Variants in OR2T34 observed in about 807,000 individuals in gnomAD.
The protein encoded by OR2T34 is olfactory receptor family 2 subfamily T member 34.
For synonymous variants in OR2T34, 73 were observed against 151.2 expected, an observed-to-expected ratio of 0.48 and a Z score of 3.79; for missense variants, 200 against 384.5, an observed-to-expected ratio of 0.52 and a Z score of 4.01.
At position 248,574,166 on chromosome 1, in the gene OR2T34, A is replaced by T. The variant is rs752349527; in HGVS notation, c.592T>A (p.Ser198Thr). The change falls in exon 1 of 1, where the codon TCC (serine) becomes ACC (threonine). Residue 198 changes from serine (S) to threonine (T), a missense_variant. By Grantham distance (58) the Ser-to-Thr change is moderately conservative. Coordinates refer to ENST00000328782, the MANE Select transcript of OR2T34 (RefSeq NM_001001821.1). ...AGGTACGTGAGCATCTTATAGAGGG[A>T]GACGTCAGAGCAGGAGAGCTTCAGC... ...ALLKLSCSDV[S>T]LYKMLTYLCC... is the part of the protein sequence containing the mutation. 6.2e-7 allele frequency: 1 copy of T among 1,607,000 alleles called. No individual in the cohort carries two copies. Among genetic ancestry groups the T allele is most frequent in the Non-Finnish European group, 8.5e-7 (1 of 1,179,724 alleles).
Position 248,574,188 on chromosome 1 carries a change from C to A in OR2T34, c.570G>T (p.Leu190=), listed in dbSNP as rs1208849721. ...GGGAGACGTCAGAGCAGGAGAGCTT[C>A]AGCAGGGCAGGAGTCTCACAGAAAA... The part of the protein sequence containing the change: ...LSFFCETPAL[L]KLSCSDVSLY... Residue 190 remains leucine (L), a synonymous_variant, in exon 1 of 1, where the codon CTG becomes CTT. Coordinates refer to ENST00000328782, the MANE Select transcript of OR2T34 (RefSeq NM_001001821.1). 6.2e-7 allele frequency: 1 copy of A among 1,607,398 alleles called. No individual in the cohort carries two copies. The highest frequency in any genetic ancestry group is 8.5e-7 in the Non-Finnish European group (1 of 1,179,642).
chr1:248,574,177 C>T lies in OR2T34; in HGVS notation c.581G>A (p.Cys194Tyr), dbSNP rs757743245. ...CETPALLKLSCSDVSLYKMLT... is the reference protein window; with the variant it reads ...CETPALLKLSYSDVSLYKMLT... ...CATCTTATAGAGGGAGACGTCAGAG[C>T]AGGAGAGCTTCAGCAGGGCAGGAGT... Residue 194 changes from cysteine (C) to tyrosine (Y), a missense_variant, in exon 1 of 1, where the codon TGC (cysteine) becomes TAC (tyrosine). Cys to Tyr is a radical substitution (Grantham distance 194). Transcript: ENST00000328782. 4.4e-6 allele frequency: 7 copies of T among 1,607,278 alleles called. No homozygotes were observed. The South Asian group carries it at 7.7e-5, about 18-fold the overall frequency.
chr1:248,574,693 A>T lies in OR2T34; in HGVS notation c.65T>A (p.Leu22His), dbSNP rs1452366806. 1.9e-6 allele frequency: 3 copies of T among 1,563,746 alleles called. No individual in the cohort carries two copies. The highest frequency in any genetic ancestry group is 2.6e-6 in the Non-Finnish European group (3 of 1,148,494). ...GGCAGCATGCTTGCTCTCAGCAAAG[A>T]GTCCCGTGAGGGTGAAATCAGTGCT... is the stretch of plus-strand genomic sequence containing the variant. The part of the protein sequence containing the change: ...TASTDFTLTG[L>H]FAESKHAALL... The change falls in exon 1 of 1, where the codon CTC becomes CAC. Residue 22 changes from leucine (L) to histidine (H), a missense_variant. Coordinates refer to ENST00000328782, the MANE Select transcript of OR2T34 (RefSeq NM_001001821.1).
In OR2T34 at chr1:248,573,833, T is replaced by TGCTC; in HGVS notation, c.921_924dup (p.Met309GlufsTer?). On this transcript the variant is annotated frameshift_variant, in exon 1 of 1. Coordinates refer to ENST00000328782, the MANE Select transcript of OR2T34 (RefSeq NM_001001821.1). LOFTEE classifies it low-confidence loss of function (END_TRUNC). Reference sequence around the variant, plus strand: ...TCTTGGTTCATTCTTGACTGCATCATGCTCCTCAGAGCCCTGGTGACATCT... The same window carrying TGCTC: ...TCTTGGTTCATTCTTGACTGCATCATGCTCGCTCCTCAGAGCCCTGGTGACATCT... 1 of 946,936 alleles carries TGCTC rather than the reference T, an allele frequency of 1.1e-6. No individual in the cohort carries two copies. The highest frequency in any genetic ancestry group is 1.6e-6 in the Non-Finnish European group (1 of 631,894). The allele number at this position is 946,936 out of a possible 1,614,324, so 58.7% of individuals were successfully genotyped here. A position where few individuals can be genotyped will look rare whatever the true frequency, so the allele number is the denominator to read the frequency against.
Position 248,574,109 on chromosome 1 carries a change from T to C in OR2T34, c.649A>G (p.Met217Val), listed in dbSNP as rs747608249. ...CCILMLLTPI[M>V]VISSSYTLIL... ...AGGGTGTATGAGCTGGAGATGACCA[T>C]GATGGGGGTGAGAAGCATGAGGATG... Residue 217 changes from methionine (M) to valine (V), a missense_variant, in exon 1 of 1, where the codon ATG becomes GTG. Coordinates refer to ENST00000328782, the MANE Select transcript of OR2T34 (RefSeq NM_001001821.1). 10 of 1,606,456 alleles carry C rather than the reference T, an allele frequency of 6.2e-6. No individual in the cohort carries two copies. In the South Asian group the frequency reaches 9.9e-5, roughly 16 times the overall value.
rs1659705122 is a variant in OR2T34 at position 248,573,872 on chromosome 1, T to C, written c.886A>G (p.Ser296Gly). The change falls in exon 1 of 1, where the codon AGT becomes GGT. Residue 296 changes from serine to glycine, a missense_variant. Coordinates refer to ENST00000328782, the MANE Select transcript of OR2T34 (RefSeq NM_001001821.1). ...CTGGTGACATCTTTGTTGCGGAGAC[T>C]GTAAATGAGGGGGTTCAGCACAGGA... ...FTPVLNPLIY[S>G]LRNKDVTRAL... 1 of 1,328,370 alleles carries C rather than the reference T, an allele frequency of 7.5e-7. No homozygotes were observed. Among genetic ancestry groups the C allele is most frequent in the East Asian group, 2.4e-5 (1 of 41,692 alleles). 82.3% of individuals were successfully genotyped at this position (1,328,370 alleles called of 1,614,324 possible). A position where few individuals can be genotyped will look rare whatever the true frequency, so the allele number is the denominator to read the frequency against.
chr1:248,574,496 C>G lies in OR2T34; in HGVS notation c.262G>C (p.Val88Leu), dbSNP rs374008897. ...YLCVTVPKML[V>L]GQVTGDDTIS... is the part of the protein sequence containing the mutation. ...GTATCATCTCCAGTGACCTGGCCCA[C>G]AAGCATCTTGGGCACAGTCACGCAT... The change falls in exon 1 of 1, where the codon GTG (valine) becomes CTG (leucine). Residue 88 changes from valine to leucine, a missense_variant. Transcript: ENST00000328782. The G allele has an allele frequency of 6.4e-7, 1 of 1,563,032 alleles. No individual in the cohort carries two copies. Among genetic ancestry groups the G allele is most frequent in the Non-Finnish European group, 8.7e-7 (1 of 1,144,268 alleles).
chr1:248,574,049 C>T lies in OR2T34; in HGVS notation c.709G>A (p.Ala237Thr), dbSNP rs746667499. 3.3e-5 allele frequency: 53 copies of T among 1,602,312 alleles called. No homozygotes were observed. Among genetic ancestry groups the T allele is most frequent in the Middle Eastern group, 1.6e-4 (1 of 6,074 alleles). ...GTGGCCAAGGCCTTCCTGCGGCCGG[C>T]GGCAGAATTCATCCTGTGGATGAGA... ...LHLIHRMNSA[A>T]GRRKALATCS... is the part of the protein sequence containing the mutation. Residue 237 changes from alanine (A) to threonine (T), a missense_variant, in exon 1 of 1, where the codon GCC becomes ACC. Coordinates refer to ENST00000328782, the MANE Select transcript of OR2T34 (RefSeq NM_001001821.1).
rs746455431 is a variant in OR2T34, at chr1:248,574,714, G to A, written c.44C>T (p.Thr15Ile). 12 of 1,575,432 alleles carry A rather than the reference G, an allele frequency of 7.6e-6. No homozygotes were observed. The South Asian group carries it at 1.2e-4, about 16-fold the overall frequency. ...AAAGAGTCCCGTGAGGGTGAAATCA[G>A]TGCTTGCTGTTTGATTCTGAGAAGT... ...NQTSQNQTAS[T>I]DFTLTGLFAE... is the part of the protein sequence containing the mutation. The change falls in exon 1 of 1, where the codon ACT becomes ATT. Residue 15 changes from threonine to isoleucine, a missense_variant. Transcript: ENST00000328782.
Position 248,574,519 on chromosome 1 carries a change from C to A in OR2T34, c.239G>T (p.Cys80Phe). ...CACAAGCATCTTGGGCACAGTCACG[C>A]ATAGGTACATGAGATCCATGAGCGC... ...QLALMDLMYL[C>F]VTVPKMLVGQ... The change falls in exon 1 of 1, where the codon TGC (cysteine) becomes TTC (phenylalanine). Residue 80 changes from cysteine to phenylalanine, a missense_variant. Cys to Phe is a radical substitution (Grantham distance 205). Transcript: ENST00000328782. 1 of 1,530,264 alleles carries A rather than the reference C, an allele frequency of 6.5e-7. No homozygotes were observed. The highest frequency in any genetic ancestry group is 9.0e-7 in the Non-Finnish European group (1 of 1,115,792). 94.8% of individuals were successfully genotyped at this position (1,530,264 alleles called of 1,614,324 possible).
rs145854970 is a variant in OR2T34, at chr1:248,574,118, T to C, written c.640A>G (p.Thr214Ala). Residue 214 changes from threonine to alanine, a missense_variant, in exon 1 of 1, where the codon ACC becomes GCC. Coordinates refer to ENST00000328782, the MANE Select transcript of OR2T34 (RefSeq NM_001001821.1). ...GAGCTGGAGATGACCATGATGGGGGTGAGAAGCATGAGGATGCAGCACAGG... is the reference window on the plus strand; with the variant it reads ...GAGCTGGAGATGACCATGATGGGGGCGAGAAGCATGAGGATGCAGCACAGG... ...TYLCCILMLLTPIMVISSSYT... is the reference protein window; with the variant it reads ...TYLCCILMLLAPIMVISSSYT... The C allele has an allele frequency of 2.1e-4, 343 of 1,604,950 alleles. 15 individuals carry two copies. The highest frequency in any genetic ancestry group is 7.3e-4 in the African/African-American group (49 of 67,048).
Position 248,574,019 on chromosome 1 carries a change from A to T in OR2T34, c.739T>A (p.Ser247Thr), listed in dbSNP as rs770330985. 6.3e-7 allele frequency: 1 copy of T among 1,589,742 alleles called. No homozygotes were observed. Among genetic ancestry groups the T allele is most frequent in the Non-Finnish European group, 8.5e-7 (1 of 1,172,574 alleles). Residue 247 changes from serine (S) to threonine (T), a missense_variant, in exon 1 of 1, where the codon TCC becomes ACC. Transcript: ENST00000328782. Reference sequence around the variant, plus strand: ...AGCAGCACTATGATCATGTGGGAGGAGCAGGTGGCCAAGGCCTTCCTGCGG... The same window carrying T: ...AGCAGCACTATGATCATGTGGGAGGTGCAGGTGGCCAAGGCCTTCCTGCGG... ...AGRRKALATC[S>T]SHMIIVLLLF...
In OR2T34 at chr1:248,574,088, T is replaced by C. The variant is rs139010825; in HGVS notation, c.670A>G (p.Thr224Ala). 222 of 1,606,306 alleles carry C rather than the reference T, an allele frequency of 1.4e-4. 28 individuals carry two copies. The African/African-American group carries it at 3.1e-3, about 22-fold the overall frequency. Reference protein sequence around the residue: ...TPIMVISSSYTLILHLIHRMN... With the variant: ...TPIMVISSSYALILHLIHRMN... ...CTGTGGATGAGATGCAGGATGAGGG[T>C]GTATGAGCTGGAGATGACCATGATG... Residue 224 changes from threonine to alanine, a missense_variant, in exon 1 of 1, where the codon ACC (threonine) becomes GCC (alanine). Physicochemically the swap from Thr to Ala is moderately conservative, Grantham distance 58 (BLOSUM62 0). Transcript: ENST00000328782.
chr1:248,574,180 G>T lies in OR2T34; in HGVS notation c.578C>A (p.Ser193Tyr), dbSNP rs746182529. Residue 193 changes from serine (S) to tyrosine (Y), a missense_variant, in exon 1 of 1, where the codon TCC (serine) becomes TAC (tyrosine). Coordinates refer to ENST00000328782, the MANE Select transcript of OR2T34 (RefSeq NM_001001821.1). The part of the protein sequence containing the change: ...FCETPALLKL[S>Y]CSDVSLYKML... ...CTTATAGAGGGAGACGTCAGAGCAG[G>T]AGAGCTTCAGCAGGGCAGGAGTCTC... 6.2e-7 allele frequency: 1 copy of T among 1,607,454 alleles called. No homozygotes were observed. The highest frequency in any genetic ancestry group is 8.5e-7 in the Non-Finnish European group (1 of 1,179,666).
rs746667499 is a variant in OR2T34 at position 248,574,049 on chromosome 1, C to A, written c.709G>T (p.Ala237Ser). 5 of 1,602,432 alleles carry A rather than the reference C, an allele frequency of 3.1e-6. No homozygotes were observed. The highest frequency in any genetic ancestry group is 3.3e-4 in the Middle Eastern group (2 of 6,052). Residue 237 changes from alanine (A) to serine (S), a missense_variant, in exon 1 of 1, where the codon GCC becomes TCC. Coordinates refer to ENST00000328782, the MANE Select transcript of OR2T34 (RefSeq NM_001001821.1). ...GTGGCCAAGGCCTTCCTGCGGCCGG[C>A]GGCAGAATTCATCCTGTGGATGAGA... Reference protein sequence around the residue: ...LHLIHRMNSAAGRRKALATCS... With the variant: ...LHLIHRMNSASGRRKALATCS...
rs1283157409 is a variant in OR2T34 at position 248,574,438 on chromosome 1, A to T, written c.320T>A (p.Phe107Tyr). The change falls in exon 1 of 1, where the codon TTC (phenylalanine) becomes TAC (tyrosine). Residue 107 changes from phenylalanine (F) to tyrosine (Y), a missense_variant. By Grantham distance (22) the Phe-to-Tyr change is conservative. Transcript: ENST00000328782. ...AGCTCCAGCCAGGGTCAGGTGGAAG[A>T]ACATCTGGATCCCACAGCCTGACGG... ...ISPSGCGIQMFFHLTLAGAEV... is the reference protein window; with the variant it reads ...ISPSGCGIQMYFHLTLAGAEV... 2 of 1,587,134 alleles carry T rather than the reference A, an allele frequency of 1.3e-6. No homozygotes were observed. The highest frequency in any genetic ancestry group is 1.7e-6 in the Non-Finnish European group (2 of 1,162,308).
At position 248,574,185 on chromosome 1, in the gene OR2T34, C is replaced by T. The variant is rs768806866; in HGVS notation, c.573G>A (p.Lys191=). ...SFFCETPALL[K]LSCSDVSLYK... is the part of the protein sequence containing the mutation. ...AGAGGGAGACGTCAGAGCAGGAGAG[C>T]TTCAGCAGGGCAGGAGTCTCACAGA... is the stretch of plus-strand genomic sequence containing the variant. The change falls in exon 1 of 1, where the codon AAG becomes AAA. Residue 191 remains lysine (K), a synonymous_variant. Coordinates refer to ENST00000328782, the MANE Select transcript of OR2T34 (RefSeq NM_001001821.1). 7.5e-6 allele frequency: 12 copies of T among 1,607,500 alleles called. No individual in the cohort carries two copies. Among genetic ancestry groups the T allele is most frequent in the East Asian group, 4.5e-5 (2 of 44,862 alleles).
chr1:248,574,139 A>C lies in OR2T34; in HGVS notation c.619T>G (p.Cys207Gly), dbSNP rs1192232561. ...VSLYKMLTYL[C>G]CILMLLTPIM... ...GGGGTGAGAAGCATGAGGATGCAGC[A>C]CAGGTACGTGAGCATCTTATAGAGG... is the stretch of plus-strand genomic sequence containing the variant. The change falls in exon 1 of 1, where the codon TGC (cysteine) becomes GGC (glycine). Residue 207 changes from cysteine to glycine, a missense_variant. By Grantham distance (159) the Cys-to-Gly change is radical. Transcript: ENST00000328782. 6 of 1,606,904 alleles carry C rather than the reference A, an allele frequency of 3.7e-6. No individual in the cohort carries two copies. Among genetic ancestry groups the C allele is most frequent in the Non-Finnish European group, 4.2e-6 (5 of 1,179,768 alleles).
Position 248,574,017 on chromosome 1 carries a change from G to A in OR2T34, c.741C>T (p.Ser247=), listed in dbSNP as rs1659711119. 1 of 1,587,582 alleles carries A rather than the reference G, an allele frequency of 6.3e-7. No homozygotes were observed. The highest frequency in any genetic ancestry group is 8.5e-7 in the Non-Finnish European group (1 of 1,172,212). ...AGRRKALATC[S]SHMIIVLLLF... is the part of the protein sequence containing the mutation. ...GCAGCAGCACTATGATCATGTGGGA[G>A]GAGCAGGTGGCCAAGGCCTTCCTGC... Residue 247 remains serine (S), a synonymous_variant, in exon 1 of 1, where the codon TCC becomes TCT. Coordinates refer to ENST00000328782, the MANE Select transcript of OR2T34 (RefSeq NM_001001821.1).
Sources: allele counts gnomAD v4.1 joint callset, GRCh38; gene constraint gnomAD v4.1.1; transcripts MANE v1.5; gene names NCBI Gene and HGNC (gene_info 2026-07-23, HGNC 2026-07-21).